MMP26: variants seen among roughly 807,000 people sequenced by gnomAD.
MMP26 encodes matrix metallopeptidase 26.
Under a neutral mutation model 31.0 loss-of-function variants are expected in MMP26, and 33 were observed. The observed-to-expected ratio is 1.06, with a 90% CI of 0.81 to 1.42. The LOEUF is 1.42. MMP26 is among the 40% of genes most tolerant of loss of function. The pLI is 0.00. For missense variants in MMP26, 347 were observed against 316.1 expected (o/e 1.10, Z -0.74); for synonymous variants, 122 against 114.9 (o/e 1.06, Z -0.40).
intron 2 of MMP26, chr11:4,860,564 T>C: frequency 2.2e-6 from 1 of 459,772 alleles, no homozygotes. Context: ...AAGTTCGTCA[T>C]GTTGTTCTCA....
At chr11:4,926,572 T>C (rs538830571) in intron 2 of MMP26, among the ~76,000 whole-genome samples, 2 of 152,334 alleles carry the variant, frequency 1.3e-5, no homozygotes, top group Non-Finnish European at 2.9e-5. Context: ...TTTCAGAGTT[T>C]GAGAAATACC....
At chr11:4,933,949 A>G (rs2133593445) in intron 2 of MMP26, among the ~76,000 whole-genome samples, 1 of 147,300 alleles carries the variant, frequency 6.8e-6, no homozygotes, top group South Asian at 2.2e-4. Context: ...TATATGTGCC[A>G]CATTTTCTTA....
intron 1 of MMP26, among the ~76,000 whole-genome samples, chr11:4,741,630 A>C (rs1238202068): frequency 7.7e-6 from 1 of 129,858 alleles, no homozygotes; most frequent in Non-Finnish European, 1.6e-5. Context: ...GGGGAACAAC[A>C]CACATGAGGC....
At chr11:4,982,242 G>C (rs540338912) in intron 2 of MMP26, among the ~76,000 whole-genome samples, 1 of 151,996 alleles carries the variant, frequency 6.6e-6, no homozygotes, top group South Asian at 2.1e-4. Context: ...GTATATAATT[G>C]TATGTGCTAT....
chr11:4,808,075 G>A lies in MMP26; in HGVS notation c.-145+40734G>A, dbSNP rs191908566. Among the ~76,000 whole-genome samples, 4 of 152,250 alleles carry A rather than the reference G, an allele frequency of 2.6e-5. No individual in the cohort carries two copies. In the East Asian group the frequency reaches 7.7e-4, roughly 29 times the overall value. ...CCAGCCTTGGCCTCCCGAAGTGCTG[G>A]AATTAAAGACATATGCCACTATGCC... On this transcript the variant is annotated intron_variant, in intron 2 of 7. Coordinates refer to ENST00000380390, the MANE Select transcript of MMP26 (RefSeq NM_021801.5).
chr11:4,940,472 A>C (rs1359459207), intron 2 of MMP26, among the ~76,000 whole-genome samples: 1 of 152,194 alleles, frequency 6.6e-6, no homozygotes, highest in Non-Finnish European at 1.5e-5. Flanking sequence ...CATTTTGAAA[A>C]AGTAGGATTT....
intron 2 of MMP26, chr11:4,937,977 G>A (rs1004379215): frequency 6.6e-6 from 1 of 152,066 alleles, no homozygotes; most frequent in Admixed American, 6.6e-5. Context: ...TAAACAGATG[G>A]ATAAAAAATT....
chr11:4,858,858 T>C (rs1157308257), intron 2 of MMP26, among the ~76,000 whole-genome samples: 1 of 152,178 alleles, frequency 6.6e-6, no homozygotes, highest in Non-Finnish European at 1.5e-5. Flanking sequence ...AGCATGGTAC[T>C]GGTACCAAAA....
At chr11:4,987,897 T>TC (rs377114214) in intron 2 of MMP26, among the ~76,000 whole-genome samples, 171 bp from the exon 3 acceptor site, 1 of 152,124 alleles carries the variant, frequency 6.6e-6, no homozygotes, top group Non-Finnish European at 1.5e-5. Flanking sequence ...TTTCTTGTTT[T>TC]CCCCCCTATT....
intron 2 of MMP26, chr11:4,804,423 C>A (rs780727230): frequency 1.3e-5 from 18 of 1,417,272 alleles, no homozygotes; most frequent in Non-Finnish European, 1.7e-5. Context: ...AATCTACTCT[C>A]TGCAGATGAT....
At chr11:4,975,033 T>C (rs1023565097) in intron 2 of MMP26, among the ~76,000 whole-genome samples, 1 of 151,970 alleles carries the variant, frequency 6.6e-6, no homozygotes. Flanking sequence ...GATGGGTTGA[T>C]AGGTGCAGCA....
At chr11:4,751,299 TATA>T (rs1370307630) in intron 1 of MMP26, among the ~76,000 whole-genome samples, 1 of 152,176 alleles carries the variant, frequency 6.6e-6, no homozygotes, top group African/African-American at 2.4e-5. Context: ...TTGTGAAAGC[TATA>T]ATAATGTACA....
intron 2 of MMP26, among the ~76,000 whole-genome samples, chr11:4,936,960 A>C (rs1480173771): frequency 2.6e-5 from 4 of 152,230 alleles, no homozygotes; most frequent in African/African-American, 9.6e-5. Flanking sequence ...CGTCATCAAC[A>C]AAACTTGAAG....
At chr11:4,712,543 T>G (rs901636030) in intron 1 of MMP26, 2 of 152,182 alleles carry the variant, frequency 1.3e-5, no homozygotes, top group African/African-American at 4.8e-5. Flanking sequence ...TATTTAAATT[T>G]CATATGGATA....
intron 2 of MMP26, chr11:4,908,088 G>C (rs758576012): frequency 1.1e-5 from 18 of 1,614,144 alleles, no homozygotes; most frequent in Non-Finnish European, 1.4e-5. Context: ...CTAAATACCT[G>C]TGTCTCCCAC....
At chr11:4,874,318 A>G (rs1397291563) in intron 2 of MMP26, among the ~76,000 whole-genome samples, 2 of 152,026 alleles carry the variant, frequency 1.3e-5, no homozygotes, top group Admixed American at 1.3e-4. Context: ...TGACTGACAA[A>G]TTTGGAGTGA....
chr11:4,972,265 T>G lies in MMP26; in HGVS notation c.-144-15803T>G, dbSNP rs1296959676. Reference sequence around the variant, plus strand: ...ATAAATATGAAAATCAAGGCCAAGTTGAGAACACAGTTCAGAGGAACCTGG... The same window carrying G: ...ATAAATATGAAAATCAAGGCCAAGTGGAGAACACAGTTCAGAGGAACCTGG... On this transcript the variant is annotated intron_variant, in intron 2 of 7. Coordinates refer to ENST00000380390, the MANE Select transcript of MMP26 (RefSeq NM_021801.5). Among the ~76,000 whole-genome samples, 9 of 152,118 alleles carry G rather than the reference T, an allele frequency of 5.9e-5. 1 individual carries two copies. Among genetic ancestry groups the G allele is most frequent in the Admixed American group, 5.9e-4 (9 of 15,272 alleles).
At chr11:4,943,267 C>T (rs942304262) in intron 2 of MMP26, 2 of 235,872 alleles carry the variant, frequency 8.5e-6, no homozygotes, top group African/African-American at 4.6e-5. Flanking sequence ...AGGTTTACAT[C>T]CTTTGCATTC....
At chr11:4,899,059 A>G (rs1850763491) in intron 2 of MMP26, among the ~76,000 whole-genome samples, 1 of 152,138 alleles carries the variant, frequency 6.6e-6, no homozygotes, top group African/African-American at 2.4e-5. Flanking sequence ...ATTAACCAGT[A>G]ACTGAATGTG....
Sources: allele counts gnomAD v4.1 joint callset (sites outside exome capture counted in the v4.1 genomes callset), GRCh38; gene constraint gnomAD v4.1.1; transcripts MANE v1.5; gene names NCBI Gene and HGNC (gene_info 2026-07-23, HGNC 2026-07-21).